Variants in SULT6B1 observed in about 807,000 individuals in gnomAD.
SULT6B1 encodes the protein sulfotransferase 6B1.
A neutral mutation model predicts 37.2 loss-of-function variants in SULT6B1; 44 were observed. The observed-to-expected ratio is 1.18, with a 90% CI of 0.93 to 1.52. The LOEUF (loss-of-function observed/expected upper bound fraction) is 1.52, where lower values mean the gene tolerates loss of function less well. Among genes scored for constraint, SULT6B1 ranks in the 40% most tolerant of loss-of-function variants. The pLI is 0.00. For missense variants in SULT6B1, 450 were observed against 361.0 expected, an observed-to-expected ratio of 1.25 and a Z score of -2.00; for synonymous variants, 140 against 126.0, an observed-to-expected ratio of 1.11 and a Z score of -0.74.
intron 4 of SULT6B1, among the ~76,000 whole-genome samples, chr2:37,177,717 C>G (rs140019949): frequency 6.6e-6 from 1 of 152,154 alleles, no homozygotes; most frequent in African/African-American, 2.4e-5. Flanking sequence ...TTTAGGTGCT[C>G]TTACTAAACA....
intron 6 of SULT6B1, among the ~76,000 whole-genome samples, chr2:37,169,654 C>G (rs553965291): frequency 6.6e-6 from 1 of 151,952 alleles, no homozygotes; most frequent in Non-Finnish European, 1.5e-5. Context: ...ACGTCCAGCC[C>G]GAGCTAATTT....
intron 4 of SULT6B1, among the ~76,000 whole-genome samples, chr2:37,178,237 T>A (rs572196445): frequency 1.1e-3 from 172 of 152,126 alleles, no homozygotes; most frequent in African/African-American, 3.9e-3. Flanking sequence ...TCTTTATTTT[T>A]TATTTTATTT....
At chr2:37,182,684 G>A (rs1352847638) in intron 3 of SULT6B1, among the ~76,000 whole-genome samples, 1 of 151,954 alleles carries the variant, frequency 6.6e-6, no homozygotes. Flanking sequence ...TTCTGAGACA[G>A]AAAAAAGGCA....
chr2:37,171,196 A>G (rs976490071), intron 6 of SULT6B1, among the ~76,000 whole-genome samples: 1 of 151,752 alleles, frequency 6.6e-6, no homozygotes, highest in Admixed American at 6.6e-5. Context: ...GCTGAGATTG[A>G]GCCACTGCAC....
chr2:37,171,073 C>G (rs988718390), intron 6 of SULT6B1, among the ~76,000 whole-genome samples: 2 of 152,138 alleles, frequency 1.3e-5, no homozygotes, highest in Non-Finnish European at 1.5e-5. Flanking sequence ...CCTGCCTTTA[C>G]TAAAAATACA....
chr2:37,192,811 G>A (rs73927403), upstream of SULT6B1, among the ~76,000 whole-genome samples: 279 of 152,280 alleles, frequency 1.8e-3, 1 homozygote, highest in African/African-American at 6.4e-3. Context: ...AATTATAGGA[G>A]GATTTAGGAG....
intron 2 of SULT6B1, among the ~76,000 whole-genome samples, chr2:37,183,764 C>G (rs890921946): frequency 6.6e-6 from 1 of 152,162 alleles, no homozygotes; most frequent in Admixed American, 6.5e-5. Flanking sequence ...CTTTCTCAGC[C>G]TCCCGAGTAG....
Position 37,171,423 on chromosome 2 carries a change from T to C in SULT6B1, c.781+11A>G, listed in dbSNP as rs1558443856. 1.2e-6 allele frequency: 2 copies of C among 1,609,500 alleles called. No homozygotes were observed. The highest frequency in any genetic ancestry group is 1.3e-5 in the African/African-American group (1 of 74,826). On this transcript the variant is annotated intron_variant, in intron 6 of 6. Coordinates refer to ENST00000535679, the MANE Select transcript of SULT6B1 (RefSeq NM_001367551.1). ...AACTGATAACAATCCCAGAAACCAATGCGACTTTACCTTTGCGGAAAAGGA... is the reference window on the plus strand; with the variant it reads ...AACTGATAACAATCCCAGAAACCAACGCGACTTTACCTTTGCGGAAAAGGA...
At chr2:37,174,214 T>C (rs1676364646) in intron 5 of SULT6B1, among the ~76,000 whole-genome samples, 2 of 144,378 alleles carry the variant, frequency 1.4e-5, no homozygotes, top group Non-Finnish European at 3.0e-5. Flanking sequence ...AGGTCTCTCC[T>C]AATCTTCCTA....
intron 6 of SULT6B1, among the ~76,000 whole-genome samples, chr2:37,170,722 A>G (rs1676274726): frequency 7.3e-6 from 1 of 137,750 alleles, no homozygotes; most frequent in African/African-American, 2.7e-5. Context: ...TGGGCAACAC[A>G]GCAAGATTCT....
chr2:37,191,898 T>C (rs1281986339), upstream of SULT6B1, among the ~76,000 whole-genome samples: 3 of 152,178 alleles, frequency 2.0e-5, no homozygotes, highest in Non-Finnish European at 4.4e-5. Context: ...GCTCTGGGGA[T>C]TGGGGTTGCT....
At position 37,171,574 on chromosome 2, in the gene SULT6B1, A is replaced by G; in HGVS notation, c.641T>C (p.Ile214Thr). ...TCCCAAGAACTCAGCAATCTGTTTT[A>G]TTCCAGCAGCCAGATTCTGTAAAAA... ...EDLKENLAAG[I>T]KQIAEFLGFF... The change falls in exon 6 of 7, where the codon ATA (isoleucine) becomes ACA (threonine). Residue 214 changes from isoleucine (I) to threonine (T), a missense_variant. Transcript: ENST00000535679. 1 of 1,612,846 alleles carries G rather than the reference A, an allele frequency of 6.2e-7. No individual in the cohort carries two copies.
upstream of SULT6B1, among the ~76,000 whole-genome samples, chr2:37,189,165 G>A (rs115388523): frequency 0.023 from 3,488 of 152,290 alleles, 62 homozygotes; most frequent in Middle Eastern, 0.054. Context: ...CAAGTCTAAA[G>A]ACCTGAGTTT....
chr2:37,168,139 A>T lies in SULT6B1; in HGVS notation c.782-74T>A, dbSNP rs1676219625. 40 of 1,395,092 alleles carry T rather than the reference A, an allele frequency of 2.9e-5. No homozygotes were observed. In the South Asian group the frequency reaches 5.7e-4, roughly 20 times the overall value. The allele number at this position is 1,395,092 out of a possible 1,614,324, so 86.4% of individuals were successfully genotyped here. ...TTCATGATTTTACCATTTTCAGTGC[A>T]ATATTTCACTCTGATATGTTAAAAT... On this transcript the variant is annotated intron_variant, in intron 6 of 6. Transcript: ENST00000535679.
chr2:37,188,577 C>T lies in SULT6B1; in HGVS notation c.64G>A (p.Ala22Thr). The T allele has an allele frequency of 6.3e-7, 1 of 1,576,136 alleles. No individual in the cohort carries two copies. Among genetic ancestry groups the T allele is most frequent in the Admixed American group, 1.7e-5 (1 of 59,926 alleles). ...TAGGTGAAAAATAAATGAGAGAGTG[C>T]AGTTTCTTTTGATTTTTCTAAAGCT... is the stretch of plus-strand genomic sequence containing the variant. ...DEALEKSKET[A>T]LSHLFFTYQG... The change falls in exon 1 of 7, where the codon GCA becomes ACA. Residue 22 changes from alanine to threonine, a missense_variant. Coordinates refer to ENST00000535679, the MANE Select transcript of SULT6B1 (RefSeq NM_001367551.1).
rs1676214299 is a variant in SULT6B1, at chr2:37,167,914, G to C, written c.*21C>G. The stretch of plus-strand genomic sequence containing the variant: ...ATTATTATTAAGGAAAATAAATCTA[G>C]GCCTGCTGAATTGACTGGAATCAAC... On this transcript the variant is annotated 3_prime_UTR_variant, in exon 7 of 7. Transcript: ENST00000535679. 3 of 1,538,282 alleles carry C rather than the reference G, an allele frequency of 2.0e-6. No individual in the cohort carries two copies. The African/African-American group carries it at 4.3e-5, about 22-fold the overall frequency.
At chr2:37,172,927 A>C (rs1372900262) in intron 5 of SULT6B1, among the ~76,000 whole-genome samples, 2 of 151,622 alleles carry the variant, frequency 1.3e-5, no homozygotes, top group Non-Finnish European at 2.9e-5. Flanking sequence ...ATATCAGCTC[A>C]CTGCAACCTC....
At chr2:37,179,885 C>G (rs1261615610) in intron 3 of SULT6B1, among the ~76,000 whole-genome samples, 1 of 152,126 alleles carries the variant, frequency 6.6e-6, no homozygotes, top group Non-Finnish European at 1.5e-5. Flanking sequence ...AGGATAATCA[C>G]AAGAGTATGA....
chr2:37,176,159 C>T (rs148897514), intron 4 of SULT6B1, among the ~76,000 whole-genome samples: 2,141 of 151,828 alleles, frequency 0.014, 22 homozygotes, highest in Non-Finnish European at 0.021. Flanking sequence ...CTCCTTGTAC[C>T]TTAGATTCCT....
Sources: gnomAD v4.1 joint callset for allele counts (sites outside exome capture counted in the v4.1 genomes callset) on GRCh38, gnomAD v4.1.1 for gene constraint, MANE v1.5 for transcripts, NCBI Gene and HGNC (gene_info 2026-07-23, HGNC 2026-07-21) for gene names.